Variants in TTC34 observed in about 807,000 individuals in gnomAD.
The protein encoded by TTC34 is tetratricopeptide repeat domain 34.
TTC34 carries 44 observed loss-of-function variants against 40.7 expected under a neutral mutation model. That is an observed-to-expected ratio of 1.08 (90% CI 0.85 to 1.39). The LOEUF is 1.39. Among genes scored for constraint, TTC34 ranks in the 40% most tolerant of loss-of-function variants. The pLI is 0.00. For synonymous variants in TTC34, 422 were observed against 398.6 expected (o/e 1.06, Z -0.70); for missense variants, 884 against 838.0 (o/e 1.05, Z -0.68).
At chr1:2,753,437 C>A (rs1308252953) in intron 6 of TTC34, among the ~76,000 whole-genome samples, 1,426 of 107,150 alleles carry the variant, frequency 0.013, no homozygotes, top group Admixed American at 0.022. Flanking sequence ...CATCTGACAG[C>A]CTGGAACAGC....
intron 6 of TTC34, among the ~76,000 whole-genome samples, chr1:2,762,171 C>T (rs1641699563): frequency 1.6e-5 from 1 of 61,632 alleles, no homozygotes; most frequent in Non-Finnish European, 2.9e-5. Context: ...GCGCCCACAC[C>T]CCCAGGTGAG....
Position 2,656,376 on chromosome 1 carries a change from C to A in TTC34, c.2227-10813G>T, listed in dbSNP as rs1350254685. Among the ~76,000 whole-genome samples, 21 of 79,888 alleles carry A rather than the reference C, an allele frequency of 2.6e-4. 3 individuals carry two copies. Among genetic ancestry groups the A allele is most frequent in the African/African-American group, 7.3e-4 (14 of 19,230 alleles). The allele number at this position is 79,888 out of a possible 152,430, so 52.4% of individuals were successfully genotyped here. The stretch of plus-strand genomic sequence containing the variant: ...TGACAGCCTGGAACAGCACCCACAC[C>A]CACAGGTGAGCATCTGACAGCATGT... On this transcript the variant is annotated intron_variant, in intron 6 of 8. Transcript: ENST00000401095.
chr1:2,684,955 C>A (rs1382317642), intron 6 of TTC34, among the ~76,000 whole-genome samples: 2 of 139,432 alleles, frequency 1.4e-5, no homozygotes, highest in South Asian at 2.2e-4. Context: ...GCACCACCCA[C>A]ACCCCCAGAC....
At chr1:2,695,661 G>C (rs1366252105) in intron 6 of TTC34, among the ~76,000 whole-genome samples, 21 of 112,940 alleles carry the variant, frequency 1.9e-4, no homozygotes, top group Admixed American at 3.5e-4. Context: ...TGACCGCCTG[G>C]AACAGCACCC....
rs1304888704 is a variant in TTC34 at position 2,776,420 on chromosome 1, C to G, written c.2226+7189G>C. The stretch of plus-strand genomic sequence containing the variant: ...CAGCTCACATCCCCAGGTAAGATTC[C>G]AACAGCATGGAACAAGACCACTGCC... On this transcript the variant is annotated intron_variant, in intron 6 of 8. Coordinates refer to ENST00000401095, the Ensembl canonical transcript of TTC34. 6.9e-5 allele frequency: 9 copies of G among 130,036 alleles called. No individual in the cohort carries two copies. The South Asian group carries it at 2.0e-3, about 30-fold the overall frequency. 8.1% of individuals were successfully genotyped at this position (130,036 alleles called of 1,614,324 possible).
intron 6 of TTC34, among the ~76,000 whole-genome samples, chr1:2,753,276 C>A (rs1462908787): frequency 8.7e-6 from 1 of 115,378 alleles, no homozygotes; most frequent in African/African-American, 3.8e-5. Context: ...CATCTGACAG[C>A]CTGGAACAGC....
intron 6 of TTC34, among the ~76,000 whole-genome samples, chr1:2,772,934 A>C (rs1318130483): frequency 8.0e-6 from 1 of 125,082 alleles, no homozygotes; most frequent in Non-Finnish European, 1.7e-5. Context: ...AACAGCACCC[A>C]TACCCCCAGG....
intron 6 of TTC34, among the ~76,000 whole-genome samples, chr1:2,651,128 G>A (rs995288534): frequency 1.3e-5 from 2 of 150,656 alleles, no homozygotes; most frequent in African/African-American, 4.9e-5. Flanking sequence ...GAGCAACTTT[G>A]CAGCCTGGGA....
At chr1:2,684,917 C>T (rs199551620) in intron 6 of TTC34, among the ~76,000 whole-genome samples, 5 of 126,642 alleles carry the variant, frequency 3.9e-5, no homozygotes, top group African/African-American at 1.7e-4. Context: ...GCACCCTGCA[C>T]ACCCAGGTGA....
chr1:2,752,554 C>A (rs1471535616), intron 6 of TTC34, among the ~76,000 whole-genome samples: 4 of 111,988 alleles, frequency 3.6e-5, no homozygotes, highest in Admixed American at 9.0e-5. Flanking sequence ...ATCTGACAGC[C>A]TGGAACAGCA....
rs1234374373 is a variant in TTC34 at position 2,641,816 on chromosome 1, AGG to A, written c.2790_2791del (p.Leu931GlyfsTer27). Reference sequence around the variant, plus strand: ...GTGACAGGCACTGCTGCCACTGGCCAGGACAGACAGCGAACAGTAGCCCAGCG... The same window carrying A: ...GTGACAGGCACTGCTGCCACTGGCCAACAGACAGCGAACAGTAGCCCAGCG... On this transcript the variant is annotated frameshift_variant, in exon 9 of 9. Transcript: ENST00000401095. LOFTEE classifies it low-confidence loss of function (END_TRUNC). The A allele has an allele frequency of 1.3e-6, 2 of 1,534,022 alleles. No individual in the cohort carries two copies. Among genetic ancestry groups the A allele is most frequent in the Admixed American group, 3.9e-5 (2 of 50,842 alleles).
At chr1:2,793,142 T>C (rs571150309) in intron 2 of TTC34, among the ~76,000 whole-genome samples, 1 of 152,378 alleles carries the variant, frequency 6.6e-6, no homozygotes, top group South Asian at 2.1e-4. Flanking sequence ...ATTATTGTTT[T>C]AATTTCTATT....
At chr1:2,685,468 AGTG>A (rs1640290546) in intron 6 of TTC34, among the ~76,000 whole-genome samples, 1 of 128,566 alleles carries the variant, frequency 7.8e-6, no homozygotes, top group Non-Finnish European at 1.6e-5. Context: ...AGCCTGGAGC[AGTG>A]CCCACACCCC....
intron 6 of TTC34, among the ~76,000 whole-genome samples, chr1:2,756,655 C>G (rs1641515840): frequency 0.018 from 829 of 45,282 alleles, no homozygotes; most frequent in African/African-American, 0.03. Flanking sequence ...CAGCCTGGAA[C>G]AGCACCCACA....
At chr1:2,658,403 C>T (rs1457757057) in intron 6 of TTC34, among the ~76,000 whole-genome samples, 1 of 66,024 alleles carries the variant, frequency 1.5e-5, no homozygotes, top group African/African-American at 4.3e-5. Context: ...AGCATCTGAA[C>T]ACACGGAGCA....
intron 5 of TTC34, among the ~76,000 whole-genome samples, chr1:2,785,251 G>T (rs1456462): frequency 6.6e-6 from 1 of 152,006 alleles, no homozygotes; most frequent in Admixed American, 6.5e-5. Flanking sequence ...TGCATGGCCG[G>T]GTTCCACGTG....
At position 2,686,064 on chromosome 1, in the gene TTC34, T is replaced by G. The variant is rs1338958556; in HGVS notation, c.2227-40501A>C. On this transcript the variant is annotated intron_variant, in intron 6 of 8. Coordinates refer to ENST00000401095, the Ensembl canonical transcript of TTC34. ...ACCCCCAAGTGAGCATCCGACAGCCTGGAGAAGCACCCACACCCCCAGGCG... is the reference window on the plus strand; with the variant it reads ...ACCCCCAAGTGAGCATCCGACAGCCGGGAGAAGCACCCACACCCCCAGGCG... 1.0e-4 allele frequency among the ~76,000 whole-genome samples: 11 copies of G among 108,832 alleles called. 1 individual carries two copies. The highest frequency in any genetic ancestry group is 3.6e-4 in the African/African-American group (9 of 24,684). The allele number at this position is 108,832 out of a possible 152,430, so 71.4% of individuals were successfully genotyped here.
At chr1:2,750,650 A>G (rs1641287377) in intron 6 of TTC34, among the ~76,000 whole-genome samples, 11 of 151,286 alleles carry the variant, frequency 7.3e-5, no homozygotes, top group Middle Eastern at 3.5e-3. Context: ...CCACACCCCC[A>G]GGTGAGCATC....
chr1:2,653,148 T>C (rs1331643925), intron 6 of TTC34, among the ~76,000 whole-genome samples: 2 of 147,078 alleles, frequency 1.4e-5, no homozygotes, highest in East Asian at 2.1e-4. Context: ...CATCTGATGG[T>C]CTGGAGCAGC....
Sources: gnomAD v4.1 joint callset for allele counts (sites outside exome capture counted in the v4.1 genomes callset) on GRCh38, gnomAD v4.1.1 for gene constraint, MANE v1.5 for transcripts, NCBI Gene and HGNC (gene_info 2026-07-23, HGNC 2026-07-21) for gene names.